TXNL1: variants seen among roughly 807,000 people sequenced by gnomAD.
TXNL1 encodes thioredoxin like 1.
A neutral mutation model predicts 35.5 loss-of-function variants in TXNL1; 14 were observed. The ratio of observed to expected loss-of-function variants is 0.39; its 90% CI spans 0.26 to 0.62. TXNL1 has a LOEUF of 0.62. Ranked by LOEUF, TXNL1 falls within the 20% of genes least tolerant of loss-of-function variation. TXNL1 has a pLI of 0.47. For missense variants in TXNL1, 263 were observed against 349.7 expected (o/e 0.75, Z 1.98); for synonymous variants, 110 against 115.5 (o/e 0.95, Z 0.31).
chr18:56,633,323 T>C (rs1457698541), intron 1 of TXNL1, among the ~76,000 whole-genome samples: 2 of 151,696 alleles, frequency 1.3e-5, no homozygotes, highest in African/African-American at 4.8e-5. Flanking sequence ...GGCGGGCACC[T>C]GTAGTCCCAG....
rs117764821 is a variant in TXNL1, at chr18:56,625,840, C to T, written c.195+521G>A. 6.4e-3 allele frequency among the ~76,000 whole-genome samples: 970 copies of T among 152,210 alleles called. 3 individuals carry two copies. Among genetic ancestry groups the T allele is most frequent in the Non-Finnish European group, 0.011 (767 of 67,986 alleles). On this transcript the variant is annotated intron_variant, in intron 2 of 7. Coordinates refer to ENST00000217515, the MANE Select transcript of TXNL1 (RefSeq NM_004786.3). ...TTTCCCTTAACAATTCCCCACATTT[C>T]TGCATATACAAATACAGAACTGCCA...
chr18:56,621,537 T>A (rs1286426311), intron 3 of TXNL1, among the ~76,000 whole-genome samples: 1 of 152,186 alleles, frequency 6.6e-6, no homozygotes, highest in Non-Finnish European at 1.5e-5. Context: ...TATTTTGTTA[T>A]AAAAACTGTC....
At chr18:56,631,542 A>G (rs1162814902) in intron 1 of TXNL1, among the ~76,000 whole-genome samples, 1 of 152,216 alleles carries the variant, frequency 6.6e-6, no homozygotes, top group Non-Finnish European at 1.5e-5. Flanking sequence ...TCCAATATAT[A>G]AAATGTGTAT....
At chr18:56,606,363 C>CA (rs2023893493) in intron 7 of TXNL1, among the ~76,000 whole-genome samples, 1 of 151,936 alleles carries the variant, frequency 6.6e-6, no homozygotes. Context: ...GACAACAGAG[C>CA]AAGACTCCGT....
chr18:56,624,032 G>A (rs1477720823), intron 3 of TXNL1, among the ~76,000 whole-genome samples: 1 of 152,096 alleles, frequency 6.6e-6, no homozygotes, highest in Non-Finnish European at 1.5e-5. Context: ...AGTTCAGAAA[G>A]CAGATTTTTA....
intron 7 of TXNL1, chr18:56,605,343 A>T (rs2023873415): frequency 6.6e-6 from 1 of 152,166 alleles, no homozygotes; most frequent in Non-Finnish European, 1.5e-5. Flanking sequence ...TTCATTTTAA[A>T]ATATCTTCTG....
chr18:56,611,930 C>T (rs927551670), intron 6 of TXNL1, among the ~76,000 whole-genome samples: 3 of 150,424 alleles, frequency 2.0e-5, no homozygotes, highest in Non-Finnish European at 4.4e-5. Context: ...CTCACTGCAA[C>T]CTCCACCTCT....
At chr18:56,626,797 C>CTTTTTTTTTTTTTTTTTTTTTTTTTT (rs386387792) in intron 1 of TXNL1, among the ~76,000 whole-genome samples, 1 of 55,010 alleles carries the variant, frequency 1.8e-5, no homozygotes, top group African/African-American at 6.8e-5. Flanking sequence ...CCAAGCCGGT[C>CTTTTTTTTTTTTTTTTTTTTTTTTTT]TTTTTTTTTT....
At chr18:56,624,637 C>T (rs1310501436) in intron 2 of TXNL1, among the ~76,000 whole-genome samples, 176 bp from the exon 3 acceptor site, 1 of 152,118 alleles carries the variant, frequency 6.6e-6, no homozygotes, top group Non-Finnish European at 1.5e-5. Context: ...CCCCTTTGGG[C>T]ATAGCTACAT....
intron 1 of TXNL1, among the ~76,000 whole-genome samples, chr18:56,628,157 T>C (rs1285354397): frequency 6.6e-6 from 1 of 152,136 alleles, no homozygotes; most frequent in East Asian, 1.9e-4. Context: ...TCATTAGTCA[T>C]CAGGGATACC....
rs2023783368 is a variant in TXNL1 at position 56,599,467 on chromosome 18, T to A, written c.*3560A>T. 6.6e-6 allele frequency: 1 copy of A among 152,182 alleles called. No individual in the cohort carries two copies. Among genetic ancestry groups the A allele is most frequent in the South Asian group, 2.1e-4 (1 of 4,834 alleles). 9.4% of individuals were successfully genotyped at this position (152,182 alleles called of 1,614,324 possible). On this transcript the variant is annotated 3_prime_UTR_variant, in exon 8 of 8. Transcript: ENST00000217515. ...TGTATTATAAAGCATAATCTATATT[T>A]ACAAAACTGTAAAATACACACCTCT...
At chr18:56,633,559 C>T (rs1197318547) in intron 1 of TXNL1, among the ~76,000 whole-genome samples, 1 of 140,150 alleles carries the variant, frequency 7.1e-6, no homozygotes, top group Non-Finnish European at 1.5e-5. Flanking sequence ...GTCGAGGCTG[C>T]AATTGAGCCA....
intron 7 of TXNL1, 84 bp downstream of exon 7, chr18:56,610,909 G>C (rs895527462): frequency 3.4e-6 from 3 of 881,332 alleles, no homozygotes; most frequent in Non-Finnish European, 5.1e-6. Context: ...TTTGTTAAAA[G>C]AAAGTGTGAC....
chr18:56,633,570 T>TG (rs2024409582), intron 1 of TXNL1, among the ~76,000 whole-genome samples: 1 of 139,948 alleles, frequency 7.1e-6, no homozygotes, highest in South Asian at 2.2e-4. Context: ...AATTGAGCCA[T>TG]GATCACATCA....
At chr18:56,631,564 T>G (rs1250205118) in intron 1 of TXNL1, among the ~76,000 whole-genome samples, 4 of 152,284 alleles carry the variant, frequency 2.6e-5, no homozygotes, top group Admixed American at 6.5e-5. Context: ...TTAGAAGGAT[T>G]TTGAGTTATG....
At position 56,635,213 on chromosome 18, in the gene TXNL1, T is replaced by C. The variant is rs182593643; in HGVS notation, c.98+3130A>G. 7.9e-5 allele frequency among the ~76,000 whole-genome samples: 12 copies of C among 152,050 alleles called. No homozygotes were observed. In the East Asian group the frequency reaches 2.3e-3, roughly 29 times the overall value. ...TTCAATGCTGCAGTGAGCCATCGTC[T>C]CAAAACTGCACTCCAGCCTGGGCAA... On this transcript the variant is annotated intron_variant, in intron 1 of 7. Coordinates refer to ENST00000217515, the MANE Select transcript of TXNL1 (RefSeq NM_004786.3).
chr18:56,621,392 T>G (rs1240425295), intron 3 of TXNL1, among the ~76,000 whole-genome samples: 1 of 151,872 alleles, frequency 6.6e-6, no homozygotes, highest in Non-Finnish European at 1.5e-5. Flanking sequence ...ATGGGGTTTC[T>G]GATGTTGGCC....
At chr18:56,634,791 A>T (rs1355750821) in intron 1 of TXNL1, among the ~76,000 whole-genome samples, 1 of 152,234 alleles carries the variant, frequency 6.6e-6, no homozygotes, top group Admixed American at 6.5e-5. Context: ...AGCACAGGCA[A>T]CAAAAGTATA....
intron 5 of TXNL1, among the ~76,000 whole-genome samples, chr18:56,615,473 G>GC (rs1185217486): frequency 1.3e-5 from 2 of 149,444 alleles, no homozygotes; most frequent in South Asian, 2.1e-4. Context: ...GAAAAAATGG[G>GC]GGGGGGCAAA....
Sources: allele counts gnomAD v4.1 joint callset (sites outside exome capture counted in the v4.1 genomes callset), GRCh38; gene constraint gnomAD v4.1.1; transcripts MANE v1.5; gene names NCBI Gene and HGNC (gene_info 2026-07-23, HGNC 2026-07-21).